Variants in FANCA observed in about 807,000 individuals in gnomAD.
FANCA encodes the protein FA complementation group A.
Under a neutral mutation model 194.3 loss-of-function variants are expected in FANCA, and 236 were observed. The observed-to-expected ratio is 1.21, with a 90% CI of 1.09 to 1.35. FANCA has a LOEUF of 1.35. FANCA is among the 40% of genes most tolerant of loss of function. FANCA has a pLI of 0.00. For missense variants in FANCA, 2,628 were observed against 1,813.9 expected, an observed-to-expected ratio of 1.45 and a Z score of -8.15; for synonymous variants, 1,014 against 715.8, an observed-to-expected ratio of 1.42 and a Z score of -6.65.
At chr16:89,769,405 C>G (rs1002524138) in intron 26 of FANCA, among the ~76,000 whole-genome samples, 2 of 152,168 alleles carry the variant, frequency 1.3e-5, no homozygotes, top group African/African-American at 4.8e-5. Flanking sequence ...CACCTCAGCA[C>G]ATGGCCCCAT....
chr16:89,763,345 G>C (rs1323170854), intron 28 of FANCA, among the ~76,000 whole-genome samples: 1 of 152,078 alleles, frequency 6.6e-6, no homozygotes. Flanking sequence ...GCAGGCCAAA[G>C]CAGAAGGATC....
intron 15 of FANCA, among the ~76,000 whole-genome samples, chr16:89,784,258 A>G (rs1203399503): frequency 6.6e-6 from 1 of 151,978 alleles, no homozygotes; most frequent in African/African-American, 2.4e-5. Flanking sequence ...TGTAGTCCCA[A>G]CTACTCAGGA....
intron 31 of FANCA, among the ~76,000 whole-genome samples, chr16:89,750,192 G>A (rs1438590382): frequency 6.6e-6 from 1 of 152,000 alleles, no homozygotes; most frequent in East Asian, 1.9e-4. Context: ...TATCAATTAA[G>A]AAAAAACAGC....
chr16:89,740,055 G>C lies in FANCA; in HGVS notation c.3873C>G (p.Ile1291Met). The C allele has an allele frequency of 6.2e-7, 1 of 1,614,176 alleles. No individual in the cohort carries two copies. Among genetic ancestry groups the C allele is most frequent in the Non-Finnish European group, 8.5e-7 (1 of 1,180,042 alleles). Residue 1291 changes from isoleucine to methionine, a missense_variant, in exon 39 of 43, where the codon ATC (isoleucine) becomes ATG (methionine). By Grantham distance (10) the Ile-to-Met change is conservative (BLOSUM62 1). Transcript: ENST00000389301. ...LPKAFHVCAAILECLEKRKIS... is the reference protein window; with the variant it reads ...LPKAFHVCAAMLECLEKRKIS... ...TCTTCCTCTTCTCTAAACACTCGAG[G>C]ATTGCTGCACAAACGTGGAAAGCCT...
At chr16:89,806,377 T>C (rs2040646797) in intron 6 of FANCA, among the ~76,000 whole-genome samples, 1 of 139,580 alleles carries the variant, frequency 7.2e-6, no homozygotes. Context: ...TAATTGATCA[T>C]TCTTGGGTGT....
At chr16:89,745,121 C>A (rs1395647713) in intron 35 of FANCA, 50 bp from the exon 36 acceptor site, 1 of 1,495,224 alleles carries the variant, frequency 6.7e-7, no homozygotes, top group Non-Finnish European at 9.0e-7. Context: ...GATGGACACA[C>A]CTCCGCTGCC....
At position 89,746,894 on chromosome 16, in the gene FANCA, C is replaced by A. The variant is rs1213705447; in HGVS notation, c.3349-4G>T. 6.4e-7 allele frequency: 1 copy of A among 1,554,132 alleles called. No individual in the cohort carries two copies. The highest frequency in any genetic ancestry group is 8.7e-7 in the Non-Finnish European group (1 of 1,148,274). On this transcript the variant is annotated splice_region_variant and splice_polypyrimidine_tract_variant and intron_variant, in intron 33 of 42. Coordinates refer to ENST00000389301, the MANE Select transcript of FANCA (RefSeq NM_000135.4). ...CTCCGTGGGAGCAGAAGTTTCTCTG[C>A]AAAAGAGTTCAAGGCAGGTAAGAAA...
At chr16:89,800,519 C>G (rs1356646818) in intron 8 of FANCA, among the ~76,000 whole-genome samples, 1 of 152,118 alleles carries the variant, frequency 6.6e-6, no homozygotes, top group Non-Finnish European at 1.5e-5. Flanking sequence ...TATCAAAATA[C>G]CAATAACGTT....
At chr16:89,805,664 G>C (rs1415522042) in intron 6 of FANCA, among the ~76,000 whole-genome samples, 1 of 152,042 alleles carries the variant, frequency 6.6e-6, no homozygotes, top group East Asian at 1.9e-4. Flanking sequence ...TCAAACTCCC[G>C]GGCTCAAAAC....
chr16:89,801,259 G>C (rs1327640865), intron 8 of FANCA, among the ~76,000 whole-genome samples: 1 of 150,162 alleles, frequency 6.7e-6, no homozygotes, highest in African/African-American at 2.5e-5. Context: ...CAGGAGAATG[G>C]CGTGAACCCC....
Position 89,791,021 on chromosome 16 carries a change from GTGT to G in FANCA, c.1359+379_1359+381del, listed in dbSNP as rs1418943363. ...GTTTTTGTTTTGTGTGTGTGTGTGT[GTGT>G]TTTTTTTTTTTTTTTTTTTTTTTTG... On this transcript the variant is annotated intron_variant, in intron 14 of 42. Transcript: ENST00000389301. 548 of 222,770 alleles carry G rather than the reference GTGT, an allele frequency of 2.5e-3. 1 individual carries two copies. Among genetic ancestry groups the G allele is most frequent in the African/African-American group, 7.1e-3 (200 of 28,178 alleles). The allele number at this position is 222,770 out of a possible 1,614,324, so 13.8% of individuals were successfully genotyped here.
chr16:89,813,768 G>A (rs2040994734), intron 3 of FANCA, among the ~76,000 whole-genome samples: 1 of 150,916 alleles, frequency 6.6e-6, no homozygotes, highest in Non-Finnish European at 1.5e-5. Context: ...TTTCCAATGT[G>A]TCTCCATAGG....
intron 15 of FANCA, among the ~76,000 whole-genome samples, chr16:89,783,687 C>A (rs992776346): frequency 1.3e-5 from 2 of 152,180 alleles, no homozygotes; most frequent in Non-Finnish European, 2.9e-5. Flanking sequence ...ATCCTAGCAG[C>A]GGCAGCAGGA....
At chr16:89,739,037 C>T (rs774951303) in intron 41 of FANCA, 63 bp from the exon 42 acceptor site, 1 of 1,614,010 alleles carries the variant, frequency 6.2e-7, no homozygotes, top group South Asian at 1.1e-5. Context: ...TGGTGTGTCC[C>T]CCATAGTCTG....
Position 89,795,896 on chromosome 16 carries a change from C to G in FANCA, c.1006+10G>C, listed in dbSNP as rs762536802. On this transcript the variant is annotated intron_variant, in intron 11 of 42. Transcript: ENST00000389301. ...GGGTAGCAACTGAGCAGCCTCCACACTGGGCCTACCTTTCAGCACAGGGCT... is the reference window on the plus strand; with the variant it reads ...GGGTAGCAACTGAGCAGCCTCCACAGTGGGCCTACCTTTCAGCACAGGGCT... 1.2e-6 allele frequency: 2 copies of G among 1,605,530 alleles called. No individual in the cohort carries two copies. Among genetic ancestry groups the G allele is most frequent in the South Asian group, 1.1e-5 (1 of 90,934 alleles).
chr16:89,805,365 C>A lies in FANCA; in HGVS notation c.624G>T (p.Ser208=), dbSNP rs922099383. ...ESHPDMHAVG[S]WLFRNLCCLC... is the part of the protein sequence containing the mutation. ...GGCAGCACAGATTCCTGAAGAGCCA[C>A]GATCCCACAGCATGCATGTCGGGAT... Residue 208 remains serine, a synonymous_variant, in exon 7 of 43, where the codon TCG becomes TCT. Coordinates refer to ENST00000389301, the MANE Select transcript of FANCA (RefSeq NM_000135.4). 1 of 1,613,938 alleles carries A rather than the reference C, an allele frequency of 6.2e-7. No individual in the cohort carries two copies. The highest frequency in any genetic ancestry group is 1.3e-5 in the African/African-American group (1 of 75,038).
chr16:89,765,038 GA>G lies in FANCA; in HGVS notation c.2629del (p.Ser877GlnfsTer12). The G allele has an allele frequency of 6.2e-7, 1 of 1,614,242 alleles. No individual in the cohort carries two copies. The highest frequency in any genetic ancestry group is 8.5e-7 in the Non-Finnish European group (1 of 1,180,042). On this transcript the variant is annotated frameshift_variant, in exon 28 of 43. Transcript: ENST00000389301. LOFTEE classifies it high-confidence loss of function. ...KFQFLMFRLF[S>X]EARQPLSEED... ...CTCAGAAAGAGGCTGTCGGGCCTCT[GA>G]GAACAATCTGAACATGAGGAACTGA...
intron 29 of FANCA, among the ~76,000 whole-genome samples, chr16:89,761,371 A>G (rs2038945750): frequency 1.3e-5 from 2 of 149,554 alleles, no homozygotes; most frequent in South Asian, 4.2e-4. Context: ...GTGAGCCGAG[A>G]TCGCGCCACT....
intron 17 of FANCA, 48 bp from the exon 18 acceptor site, chr16:89,780,005 G>A (rs780926698): frequency 2.6e-6 from 4 of 1,547,248 alleles, no homozygotes; most frequent in East Asian, 4.5e-5. Context: ...GGACTTTAAA[G>A]AAAAGACTGA....
Sources: gnomAD v4.1 joint callset for allele counts (sites outside exome capture counted in the v4.1 genomes callset) on GRCh38, gnomAD v4.1.1 for gene constraint, MANE v1.5 for transcripts, NCBI Gene and HGNC (gene_info 2026-07-23, HGNC 2026-07-21) for gene names.